The following PALM2AKAP2 variants were observed in gnomAD, a reference collection of about 807,000 sequenced individuals.
The protein encoded by PALM2AKAP2 is PALM2 and AKAP2 fusion.
PALM2AKAP2 carries 37 observed loss-of-function variants against 71.5 expected under a neutral mutation model. The ratio of observed to expected loss-of-function variants is 0.52; its 90% confidence interval spans 0.40 to 0.68. The LOEUF is 0.68. Ranked by LOEUF, PALM2AKAP2 falls within the 30% of genes least tolerant of loss-of-function variation. The pLI is 0.00. For missense variants in PALM2AKAP2, 1,224 were observed against 1,191.8 expected (o/e 1.03, Z -0.40); for synonymous variants, 468 against 478.8 (o/e 0.98, Z 0.29).
At chr9:109,911,569 A>G (rs1010548441) in intron 3 of PALM2AKAP2, among the ~76,000 whole-genome samples, 3 of 152,264 alleles carry the variant, frequency 2.0e-5, no homozygotes, top group Non-Finnish European at 4.4e-5. Context: ...AGATCAAGAT[A>G]TAAATCAGTC....
At chr9:109,986,997 T>G (rs147252670) in intron 6 of PALM2AKAP2, among the ~76,000 whole-genome samples, 2 of 152,232 alleles carry the variant, frequency 1.3e-5, no homozygotes, top group Non-Finnish European at 2.9e-5. Flanking sequence ...AGAAACATAA[T>G]GTAGTGGACA....
chr9:110,135,175 A>ATATATATATATATATG (rs1564324103), intron 1 of PALM2AKAP2, among the ~76,000 whole-genome samples: 1 of 101,136 alleles, frequency 9.9e-6, no homozygotes, highest in African/African-American at 3.8e-5. Flanking sequence ...ATATATAAAT[A>ATATATATATATATATG]TATATATATA....
At chr9:109,920,312 A>G (rs1182622610) in intron 3 of PALM2AKAP2, among the ~76,000 whole-genome samples, 1 of 152,004 alleles carries the variant, frequency 6.6e-6, no homozygotes, top group Non-Finnish European at 1.5e-5. Flanking sequence ...TTGGGGAAGC[A>G]TGTACTCTTC....
At chr9:109,640,925 C>T in intron 1 of PALM2AKAP2, 1 of 1,476,792 alleles carries the variant, frequency 6.8e-7, no homozygotes, top group Non-Finnish European at 8.9e-7. Context: ...GCCATGGTGA[C>T]CGCGGCGGCA....
At chr9:110,127,982 C>T (rs1193037591) in intron 1 of PALM2AKAP2, 1 of 152,214 alleles carries the variant, frequency 6.6e-6, no homozygotes, top group Non-Finnish European at 1.5e-5. Context: ...TATAGCTCTG[C>T]AGGGTCCCAG....
At chr9:109,678,202 G>T (rs1028737888) in intron 1 of PALM2AKAP2, among the ~76,000 whole-genome samples, 1 of 152,160 alleles carries the variant, frequency 6.6e-6, no homozygotes, top group Non-Finnish European at 1.5e-5. Flanking sequence ...GTTTTATAGG[G>T]ATTTTCTTAC....
intron 1 of PALM2AKAP2, among the ~76,000 whole-genome samples, chr9:109,689,200 C>CTTTTTTTTTTTT (rs200092612): frequency 6.0e-5 from 8 of 134,142 alleles, no homozygotes; most frequent in Non-Finnish European, 9.5e-5. Flanking sequence ...TTTTTCTTTT[C>CTTTTTTTTTTTT]TTTTTTTTTT....
intron 1 of PALM2AKAP2, among the ~76,000 whole-genome samples, chr9:110,132,108 G>A (rs1835748483): frequency 6.6e-6 from 1 of 151,652 alleles, no homozygotes; most frequent in South Asian, 2.1e-4. Flanking sequence ...CTGGAGTGCC[G>A]TGGCATGATC....
At chr9:109,656,839 A>G (rs1827314920) in intron 1 of PALM2AKAP2, among the ~76,000 whole-genome samples, 1 of 152,202 alleles carries the variant, frequency 6.6e-6, no homozygotes, top group African/African-American at 2.4e-5. Context: ...GGCATAATAG[A>G]CAAACACACT....
At chr9:109,901,634 G>A (rs890672502) in intron 3 of PALM2AKAP2, among the ~76,000 whole-genome samples, 1 of 152,266 alleles carries the variant, frequency 6.6e-6, no homozygotes, top group South Asian at 2.1e-4. Flanking sequence ...TATCCCAGAG[G>A]CCACAGAACA....
chr9:109,979,785 A>C (rs1262474015), intron 6 of PALM2AKAP2, among the ~76,000 whole-genome samples: 1 of 152,232 alleles, frequency 6.6e-6, no homozygotes, highest in Non-Finnish European at 1.5e-5. Flanking sequence ...AATGATAATT[A>C]AGAGCACCCT....
chr9:110,136,306 G>A (rs183152691), exon 2 of PALM2AKAP2: 1 of 1,614,136 alleles, frequency 6.2e-7, no homozygotes, highest in Non-Finnish European at 8.5e-7. Flanking sequence ...CACATCCCAT[G>A]GACCATCCCT....
At chr9:109,871,247 A>G (rs1001200578) in intron 2 of PALM2AKAP2, among the ~76,000 whole-genome samples, 1 of 152,224 alleles carries the variant, frequency 6.6e-6, no homozygotes, top group African/African-American at 2.4e-5. Flanking sequence ...ATCACTTTGT[A>G]TATGGACTTC....
At chr9:109,645,818 G>A (rs575264666) in intron 1 of PALM2AKAP2, among the ~76,000 whole-genome samples, 2 of 152,162 alleles carry the variant, frequency 1.3e-5, no homozygotes, top group South Asian at 4.1e-4. Flanking sequence ...CACTATTTGG[G>A]TAATGGGTAC....
chr9:110,081,118 A>G (rs893528481), intron 1 of PALM2AKAP2, among the ~76,000 whole-genome samples: 1 of 152,364 alleles, frequency 6.6e-6, no homozygotes, highest in Admixed American at 6.5e-5. Context: ...TGCAGTAAGT[A>G]GGAAGAGGCA....
intron 6 of PALM2AKAP2, among the ~76,000 whole-genome samples, chr9:109,986,109 T>C (rs1832373561): frequency 6.6e-6 from 1 of 152,232 alleles, no homozygotes; most frequent in East Asian, 1.9e-4. Flanking sequence ...TAGGCTGTGG[T>C]TCAAGGTGCA....
upstream of PALM2AKAP2, among the ~76,000 whole-genome samples, chr9:109,776,308 CAA>C (rs759973825): frequency 1.6e-4 from 25 of 152,188 alleles, no homozygotes; most frequent in Non-Finnish European, 3.2e-4. Context: ...GCTCCTTGGC[CAA>C]CCATCAGGCA....
rs955258189 is a variant in PALM2AKAP2, at chr9:109,803,715, A to G, written c.45+23182A>G. Reference sequence around the variant, plus strand: ...GCATCAACACAAGTGGGCCAGCACCATAGTCCCAATTCTCCTCTTTCATCT... The same window carrying G: ...GCATCAACACAAGTGGGCCAGCACCGTAGTCCCAATTCTCCTCTTTCATCT... On this transcript the variant is annotated intron_variant, in intron 1 of 9. Transcript: ENST00000302798. Among the ~76,000 whole-genome samples, 4 of 152,330 alleles carry G rather than the reference A, an allele frequency of 2.6e-5. 1 individual carries two copies.
At chr9:109,666,769 GA>G (rs916835663) in intron 1 of PALM2AKAP2, among the ~76,000 whole-genome samples, 1 of 152,120 alleles carries the variant, frequency 6.6e-6, no homozygotes, top group East Asian at 1.9e-4. Flanking sequence ...ATTACCAGAG[GA>G]AAAAAACATA....
Sources: gnomAD v4.1 joint callset for allele counts (sites outside exome capture counted in the v4.1 genomes callset) on GRCh38, gnomAD v4.1.1 for gene constraint, MANE v1.5 for transcripts, NCBI Gene and HGNC (gene_info 2026-07-23, HGNC 2026-07-21) for gene names.